The following PCDH15 variants were observed in gnomAD, a reference collection of about 807,000 sequenced individuals.
PCDH15 encodes the protein protocadherin-15.
In PCDH15, 129 loss-of-function variants were observed where a neutral mutation model predicts 178.5. That is an observed-to-expected ratio of 0.72 (90% confidence interval 0.63 to 0.84). The LOEUF (loss-of-function observed/expected upper bound fraction) is 0.84, where lower values mean the gene tolerates loss of function less well. PCDH15 is among the 40% of genes least tolerant of loss of function. The pLI is 0.00. For synonymous variants in PCDH15, 800 were observed against 732.0 expected (o/e 1.09, Z -1.50); for missense variants, 2,230 against 2,099.9 (o/e 1.06, Z -1.21).
intron 2 of PCDH15, among the ~76,000 whole-genome samples, chr10:55,445,325 A>C (rs1839291517): frequency 6.6e-6 from 1 of 151,866 alleles, no homozygotes; most frequent in Non-Finnish European, 1.5e-5. Context: ...AATAAAAGGG[A>C]TGAAAACTCC....
At chr10:54,317,074 A>C (rs1472841558) in intron 8 of PCDH15, among the ~76,000 whole-genome samples, 197 bp downstream of exon 8, 1 of 152,200 alleles carries the variant, frequency 6.6e-6, no homozygotes, top group Non-Finnish European at 1.5e-5. Context: ...CATACTTTCT[A>C]TTTGGAAATT....
At chr10:54,811,172 A>C (rs1241669602) in intron 3 of PCDH15, among the ~76,000 whole-genome samples, 7 of 152,038 alleles carry the variant, frequency 4.6e-5, no homozygotes, top group Non-Finnish European at 1.5e-5. Context: ...TGACAAGTGC[A>C]ATGTCATCTT....
chr10:54,771,513 T>C (rs994359044), intron 1 of PCDH15, among the ~76,000 whole-genome samples: 11 of 152,132 alleles, frequency 7.2e-5, no homozygotes, highest in Admixed American at 2.6e-4. Flanking sequence ...CCAGTCAGAA[T>C]TGAGTGATGA....
chr10:53,825,254 C>CACTT (rs568828569), intron 32 of PCDH15: 1 of 1,271,000 alleles, frequency 7.9e-7, no homozygotes, highest in Admixed American at 3.3e-5. Context: ...TTTAAACAAA[C>CACTT]ACTTAGTACG....
At chr10:54,984,709 A>T (rs1839321428) in intron 2 of PCDH15, among the ~76,000 whole-genome samples, 1 of 152,104 alleles carries the variant, frequency 6.6e-6, no homozygotes, top group Non-Finnish European at 1.5e-5. Flanking sequence ...GGCATGGTAC[A>T]TGCCTGTAGT....
chr10:55,443,673 T>G (rs1839247672), intron 2 of PCDH15, among the ~76,000 whole-genome samples: 1 of 152,176 alleles, frequency 6.6e-6, no homozygotes. Flanking sequence ...GGAACCATTT[T>G]ACACTGTTGG....
At chr10:54,105,362 A>AT (rs2094899709) in intron 15 of PCDH15, among the ~76,000 whole-genome samples, 1 of 149,384 alleles carries the variant, frequency 6.7e-6, no homozygotes, top group Non-Finnish European at 1.5e-5. Context: ...ACACATACAC[A>AT]AAACTAATAG....
intron 1 of PCDH15, among the ~76,000 whole-genome samples, chr10:55,197,775 AT>A (rs1449876417): frequency 6.6e-6 from 1 of 152,234 alleles, no homozygotes; most frequent in Non-Finnish European, 1.5e-5. Flanking sequence ...TTTAAGTGGT[AT>A]TACAGTGAGC....
chr10:53,819,679 A>C (rs1326145696), intron 33 of PCDH15, among the ~76,000 whole-genome samples: 1 of 151,602 alleles, frequency 6.6e-6, no homozygotes, highest in African/African-American at 2.4e-5. Flanking sequence ...GATCATAATA[A>C]ATATTGAGAA....
intron 2 of PCDH15, among the ~76,000 whole-genome samples, chr10:55,397,731 G>A (rs929880458): frequency 1.3e-5 from 2 of 151,908 alleles, no homozygotes; most frequent in Admixed American, 1.3e-4. Context: ...GATAACAGGC[G>A]TGTGCCACCA....
chr10:54,495,130 T>C lies in PCDH15; in HGVS notation c.157+32682A>G, dbSNP rs1565421291. On this transcript the variant is annotated intron_variant, in intron 3 of 37. Transcript: ENST00000644397. ...CACAGAGTGTGAGAATCAGGTGGTG[T>C]GGGGGGAAGTGCTAATAATGGTCTA... Among the ~76,000 whole-genome samples, 6 of 152,244 alleles carry C rather than the reference T, an allele frequency of 3.9e-5. No homozygotes were observed. In the South Asian group the frequency reaches 1.2e-3, roughly 32 times the overall value.
At chr10:54,473,043 G>A (rs967424089) in intron 3 of PCDH15, among the ~76,000 whole-genome samples, 3 of 151,970 alleles carry the variant, frequency 2.0e-5, no homozygotes, top group Non-Finnish European at 4.4e-5. Context: ...CTAAATGCAG[G>A]TGACAGATAG....
intron 2 of PCDH15, among the ~76,000 whole-genome samples, chr10:55,035,140 T>C (rs1168056655): frequency 6.6e-6 from 1 of 151,718 alleles, no homozygotes; most frequent in Non-Finnish European, 1.5e-5. Context: ...TCAAGGTATG[T>C]AATCTAAATC....
chr10:54,478,806 G>A (rs74628824), intron 3 of PCDH15, among the ~76,000 whole-genome samples: 10 of 151,606 alleles, frequency 6.6e-5, no homozygotes, highest in South Asian at 2.1e-4. Flanking sequence ...ATACAGCTGC[G>A]GTAAAAAAAA....
At chr10:54,250,002 C>T (rs2056328952) in intron 8 of PCDH15, among the ~76,000 whole-genome samples, 1 of 151,866 alleles carries the variant, frequency 6.6e-6, no homozygotes, top group South Asian at 2.1e-4. Context: ...ACCTCCACCT[C>T]ATGGGCTCGG....
chr10:54,190,023 C>T (rs866342146), intron 11 of PCDH15, among the ~76,000 whole-genome samples: 2 of 148,710 alleles, frequency 1.3e-5, no homozygotes, highest in South Asian at 2.2e-4. Context: ...TATTTCTTTT[C>T]CTTTCTTTTC....
At chr10:54,153,997 G>T (rs1464725844) in intron 13 of PCDH15, among the ~76,000 whole-genome samples, 1 of 152,130 alleles carries the variant, frequency 6.6e-6, no homozygotes, top group Non-Finnish European at 1.5e-5. Flanking sequence ...TTGAAATTAA[G>T]CATGTAAACA....
chr10:54,184,153 T>C (rs2048268367), intron 12 of PCDH15, among the ~76,000 whole-genome samples: 1 of 152,170 alleles, frequency 6.6e-6, no homozygotes, highest in Non-Finnish European at 1.5e-5. Flanking sequence ...TAATGTACAT[T>C]ATCAAGATTT....
intron 2 of PCDH15, among the ~76,000 whole-genome samples, chr10:55,567,860 A>G (rs754214646): frequency 1.3e-5 from 2 of 152,018 alleles, no homozygotes; most frequent in South Asian, 2.1e-4. Context: ...AAAAACTACA[A>G]TGAGATACCA....
Sources: gnomAD v4.1 joint callset for allele counts (sites outside exome capture counted in the v4.1 genomes callset) on GRCh38, gnomAD v4.1.1 for gene constraint, MANE v1.5 for transcripts, NCBI Gene and HGNC (gene_info 2026-07-23, HGNC 2026-07-21) for gene names.